The following MYO19 variants were observed in gnomAD, a reference collection of about 807,000 sequenced individuals.
MYO19 encodes myosin XIX, also known as unconventional myosin-XIX.
In MYO19, 132 loss-of-function variants were observed where a neutral mutation model predicts 129.2. The observed-to-expected ratio is 1.02, with a 90% CI of 0.89 to 1.18. The LOEUF is 1.18. Ranked by LOEUF, MYO19 falls within the 50% of genes most tolerant of loss-of-function variation. MYO19 has a pLI of 0.00. For synonymous variants in MYO19, 531 were observed against 477.2 expected (o/e 1.11, Z -1.47); for missense variants, 1,210 against 1,216.7 (o/e 0.99, Z 0.08).
Position 36,507,498 on chromosome 17 carries a change from A to T in MYO19, c.1368T>A (p.Val456=). 1 of 1,613,630 alleles carries T rather than the reference A, an allele frequency of 6.2e-7. No homozygotes were observed. The highest frequency in any genetic ancestry group is 8.5e-7 in the Non-Finnish European group (1 of 1,179,852). The change falls in exon 16 of 26, where the codon GTT becomes GTA. Residue 456 remains valine (V), a synonymous_variant. Coordinates refer to ENST00000614623, the MANE Select transcript of MYO19 (RefSeq NM_001163735.2). ...YLRAQQEEYA[V]EGLEWSFINY... is the part of the protein sequence containing the mutation. ...TGATGAATGACCACTCCAGGCCCTC[A>T]ACTGCGTATTCCTCCTAAAGAACAA...
intron 19 of MYO19, chr17:36,504,944 C>A: frequency 3.4e-6 from 1 of 294,612 alleles, no homozygotes; most frequent in East Asian, 7.7e-5. Context: ...AAAAATGATA[C>A]CTCCAGTGAG....
chr17:36,520,708 TCTGA>T (rs1567774610), intron 6 of MYO19, among the ~76,000 whole-genome samples: 1 of 152,230 alleles, frequency 6.6e-6, no homozygotes, highest in South Asian at 2.1e-4. Flanking sequence ...ATTTCTTCCT[TCTGA>T]CTTTCTTAAT....
At chr17:36,528,451 C>G (rs1396890190) in intron 3 of MYO19, among the ~76,000 whole-genome samples, 1 of 151,218 alleles carries the variant, frequency 6.6e-6, no homozygotes, top group Non-Finnish European at 1.5e-5. Flanking sequence ...GCGGAGCTTG[C>G]AGTGAGCCAA....
In MYO19 at chr17:36,512,764, A is replaced by G. The variant is rs1022970677; in HGVS notation, c.894+665T>C. The G allele has an allele frequency of 7.0e-6, 9 of 1,288,516 alleles. No individual in the cohort carries two copies. In the African/African-American group the frequency reaches 1.4e-4, roughly 20 times the overall value. The allele number at this position is 1,288,516 out of a possible 1,614,324, so 79.8% of individuals were successfully genotyped here. On this transcript the variant is annotated intron_variant, in intron 11 of 25. Transcript: ENST00000614623. ...TCTCGACTGCCAGGCCATCCTATCT[A>G]TCCCCTCCTGCTGCTCTAGAGGGTG...
At position 36,518,489 on chromosome 17, in the gene MYO19, GAAAAAAAAAAAAAAAAAAAA is replaced by G. The variant is rs1165317347; in HGVS notation, c.415-2519_415-2500del. Among the ~76,000 whole-genome samples, 212 of 24,066 alleles carry G rather than the reference GAAAAAAAAAAAAAAAAAAAA, an allele frequency of 8.8e-3. 3 individuals carry two copies. Among genetic ancestry groups the G allele is most frequent in the South Asian group, 0.026 (10 of 382 alleles). 15.8% of individuals were successfully genotyped at this position (24,066 alleles called of 152,430 possible). On this transcript the variant is annotated intron_variant, in intron 6 of 25. Coordinates refer to ENST00000614623, the MANE Select transcript of MYO19 (RefSeq NM_001163735.2). ...CAGCCTGGGCCAGAGGATCTCAGAG[GAAAAAAAAAAAAAAAAAAAA>G]AAAAAAAAAAAAAAAAAAATATATA...
chr17:36,514,174 C>T (rs1301977336), intron 9 of MYO19, among the ~76,000 whole-genome samples: 2 of 152,184 alleles, frequency 1.3e-5, no homozygotes, highest in East Asian at 1.9e-4. Flanking sequence ...AAGAGTGACA[C>T]GGCTTCCACC....
rs772757173 is a variant in MYO19 at position 36,496,448 on chromosome 17, G to A, written c.2758-42C>T. On this transcript the variant is annotated intron_variant, in intron 25 of 25. Coordinates refer to ENST00000614623, the MANE Select transcript of MYO19 (RefSeq NM_001163735.2). ...GATGCAGCTTTAGCACTAGTTCCTG[G>A]GAGTGCCAGGGCCTAACAACCCCAC... 4 of 1,603,978 alleles carry A rather than the reference G, an allele frequency of 2.5e-6. No individual in the cohort carries two copies. The South Asian group carries it at 4.4e-5, about 18-fold the overall frequency.
chr17:36,511,003 T>C (rs2072286739), intron 12 of MYO19, 86 bp from the exon 13 acceptor site: 2 of 1,427,672 alleles, frequency 1.4e-6, no homozygotes, highest in Non-Finnish European at 1.9e-6. Context: ...AGCGGGACCA[T>C]GACTTGCCCA....
At chr17:36,517,594 T>G (rs900304717) in intron 6 of MYO19, among the ~76,000 whole-genome samples, 2 of 152,192 alleles carry the variant, frequency 1.3e-5, no homozygotes, top group Non-Finnish European at 2.9e-5. Context: ...GAGAAAAGTC[T>G]TTTATTTCAT....
At chr17:36,505,932 G>A (rs991372187) in intron 18 of MYO19, among the ~76,000 whole-genome samples, 1 of 152,136 alleles carries the variant, frequency 6.6e-6, no homozygotes, top group South Asian at 2.1e-4. Context: ...GTGCCTCCTC[G>A]AGGTGGTGGT....
upstream of MYO19, chr17:36,535,158 A>G (rs2074060104): frequency 6.7e-6 from 1 of 149,644 alleles, no homozygotes; most frequent in Admixed American, 6.6e-5. Context: ...TTCGGGCGAC[A>G]CCAGGACTGG....
intron 3 of MYO19, 111 bp downstream of exon 3, chr17:36,532,416 T>A: frequency 2.3e-6 from 3 of 1,288,560 alleles, no homozygotes; most frequent in Non-Finnish European, 3.3e-6. Context: ...AGAGACAATT[T>A]GAGGAGAGAA....
intron 3 of MYO19, among the ~76,000 whole-genome samples, chr17:36,531,038 C>G (rs375367128): frequency 6.8e-4 from 103 of 151,956 alleles, no homozygotes; most frequent in African/African-American, 2.2e-3. Flanking sequence ...AGTTTGAGAC[C>G]AGCCTTGTCT....
intron 6 of MYO19, among the ~76,000 whole-genome samples, chr17:36,523,080 G>A (rs1486229946): frequency 6.6e-6 from 1 of 151,196 alleles, no homozygotes; most frequent in Non-Finnish European, 1.5e-5. Flanking sequence ...CCAGCTACTC[G>A]GGAGGCTGAG....
Position 36,516,843 on chromosome 17 carries a change from G to A in MYO19, c.415-853C>T, listed in dbSNP as rs2072785747. 2.0e-5 allele frequency among the ~76,000 whole-genome samples: 3 copies of A among 152,292 alleles called. No individual in the cohort carries two copies. In the East Asian group the frequency reaches 5.8e-4, roughly 29 times the overall value. On this transcript the variant is annotated intron_variant, in intron 6 of 25. Coordinates refer to ENST00000614623, the MANE Select transcript of MYO19 (RefSeq NM_001163735.2). ...TACAACTTTTTAGTTGCAGTAAGGT[G>A]GCAACTTACTTTGTAGATTCTTTAG... is the stretch of plus-strand genomic sequence containing the variant.
At chr17:36,510,360 A>G (rs2142016041) in intron 13 of MYO19, among the ~76,000 whole-genome samples, 1 of 152,368 alleles carries the variant, frequency 6.6e-6, no homozygotes, top group South Asian at 2.1e-4. Context: ...ACAGGGAGAC[A>G]GAGAGGCCCA....
chr17:36,537,987 G>T (rs143449294), upstream of MYO19: 132 of 1,613,912 alleles, frequency 8.2e-5, no homozygotes, highest in Non-Finnish European at 1.1e-4. Context: ...TGGCACACGG[G>T]TTGGTCTATT....
At chr17:36,515,762 C>G (rs919874784) in intron 7 of MYO19, 96 bp downstream of exon 7, 9 of 1,398,482 alleles carry the variant, frequency 6.4e-6, no homozygotes, top group Admixed American at 2.1e-5. Context: ...CACCCCCACC[C>G]AAGAGAGGGT....
intron 18 of MYO19, among the ~76,000 whole-genome samples, chr17:36,506,137 T>C (rs1013067483): frequency 6.6e-5 from 10 of 152,074 alleles, no homozygotes; most frequent in Non-Finnish European, 1.3e-4. Flanking sequence ...AACAGGAAGC[T>C]AGACAGCTGG....
Sources: gnomAD v4.1 joint callset for allele counts (sites outside exome capture counted in the v4.1 genomes callset) on GRCh38, gnomAD v4.1.1 for gene constraint, MANE v1.5 for transcripts, NCBI Gene and HGNC (gene_info 2026-07-23, HGNC 2026-07-21) for gene names.